The following ARHGAP44 variants were observed in gnomAD, a reference collection of about 807,000 sequenced individuals.
ARHGAP44 encodes the protein rho GTPase-activating protein 44.
A neutral mutation model predicts 106.8 loss-of-function variants in ARHGAP44; 43 were observed. The observed-to-expected ratio is 0.40, with a 90% CI of 0.32 to 0.52. The LOEUF is 0.52. Among genes scored for constraint, ARHGAP44 ranks in the 20% least tolerant of loss-of-function variants. The probability of loss-of-function intolerance (pLI) is 0.48; values close to 1 mark genes in which losing one functional copy is unlikely to be tolerated. For synonymous variants in ARHGAP44, 439 were observed against 410.3 expected (o/e 1.07, Z -0.85); for missense variants, 866 against 1,050.5 (o/e 0.82, Z 2.43).
intron 1 of ARHGAP44, among the ~76,000 whole-genome samples, chr17:12,848,386 T>C (rs2035632303): frequency 6.6e-6 from 1 of 151,558 alleles, no homozygotes; most frequent in Non-Finnish European, 1.5e-5. Context: ...TTGTTAATTC[T>C]GCATGATAAC....
At chr17:12,940,970 C>A in intron 7 of ARHGAP44, 86 bp from the exon 8 acceptor site, 1 of 1,186,516 alleles carries the variant, frequency 8.4e-7, no homozygotes, top group Non-Finnish European at 1.2e-6. Flanking sequence ...GTTTAAGGCT[C>A]TTTCTCACGT....
intron 1 of ARHGAP44, among the ~76,000 whole-genome samples, chr17:12,883,456 G>A (rs1171868447): frequency 6.6e-6 from 1 of 150,538 alleles, no homozygotes; most frequent in Non-Finnish European, 1.5e-5. Flanking sequence ...AATATTTTCA[G>A]CTTCTTAAAT....
rs1205406471 is a variant in ARHGAP44 at position 12,958,520 on chromosome 17, A to G, written c.1343-197A>G. Among the ~76,000 whole-genome samples, 1 of 151,894 alleles carries G rather than the reference A, an allele frequency of 6.6e-6. No individual in the cohort carries two copies. The highest frequency in any genetic ancestry group is 2.4e-5 in the African/African-American group (1 of 41,256). On this transcript the variant is annotated intron_variant, in intron 15 of 20. Transcript: ENST00000379672. The surrounding 1 kb of genome is among the most constrained non-coding windows in gnomAD (Gnocchi z 4.1). ...TCACAAATTGACATTGCTTTATTAA[A>G]TGCCTATATAGGTGATCACATGTGT...
chr17:12,826,863 C>A (rs1022896369), intron 1 of ARHGAP44, among the ~76,000 whole-genome samples: 1 of 152,064 alleles, frequency 6.6e-6, no homozygotes, highest in African/African-American at 2.4e-5. Context: ...TACGACTGTT[C>A]CCTCCCAGCT....
At chr17:12,855,862 G>T (rs1464507165) in intron 1 of ARHGAP44, among the ~76,000 whole-genome samples, 1 of 152,162 alleles carries the variant, frequency 6.6e-6, no homozygotes, top group African/African-American at 2.4e-5. Flanking sequence ...AGACAGTGTG[G>T]ATATAAGGCT....
chr17:12,862,439 C>G (rs1023141776), intron 1 of ARHGAP44, among the ~76,000 whole-genome samples: 1 of 152,162 alleles, frequency 6.6e-6, no homozygotes, highest in Admixed American at 6.5e-5. Context: ...TGAATTCCTC[C>G]TTCATTGTCC....
chr17:12,820,842 A>T (rs1475720020), intron 1 of ARHGAP44, among the ~76,000 whole-genome samples: 1 of 152,206 alleles, frequency 6.6e-6, no homozygotes, highest in Non-Finnish European at 1.5e-5. Flanking sequence ...ACCTGAGAAT[A>T]TGTGAGTCTC....
chr17:12,924,032 C>T (rs2038164425), intron 6 of ARHGAP44, among the ~76,000 whole-genome samples: 1 of 152,170 alleles, frequency 6.6e-6, no homozygotes, highest in Non-Finnish European at 1.5e-5. Context: ...TCATATTGTT[C>T]TGTCCTTCAT....
Position 12,897,930 on chromosome 17 carries a change from G to C in ARHGAP44, c.198+1419G>C, listed in dbSNP as rs145230581. On this transcript the variant is annotated intron_variant, in intron 3 of 20. Transcript: ENST00000379672. ...GTTTTCATTGGATTGAGAGTCTTAC[G>C]TATTATATCAGTAAGGATACATTTG... Among the ~76,000 whole-genome samples, 592 of 152,056 alleles carry C rather than the reference G, an allele frequency of 3.9e-3. 4 individuals are homozygous for C. Among genetic ancestry groups the C allele is most frequent in the Middle Eastern group, 0.01 (3 of 294 alleles).
chr17:12,936,647 G>A (rs147597416), intron 7 of ARHGAP44, among the ~76,000 whole-genome samples: 15 of 152,334 alleles, frequency 9.8e-5, no homozygotes, highest in African/African-American at 3.6e-4. Flanking sequence ...CAAAGATGCT[G>A]TAAACATCCA....
At chr17:12,881,866 C>T (rs1481031646) in intron 1 of ARHGAP44, among the ~76,000 whole-genome samples, 1 of 151,928 alleles carries the variant, frequency 6.6e-6, no homozygotes, top group Non-Finnish European at 1.5e-5. Flanking sequence ...GCTATGTTTT[C>T]ATTTTTGTAA....
At chr17:12,886,005 A>G (rs1348101569) in intron 1 of ARHGAP44, among the ~76,000 whole-genome samples, 2 of 152,032 alleles carry the variant, frequency 1.3e-5, no homozygotes, top group Non-Finnish European at 2.9e-5. Context: ...TGTGTGATCT[A>G]TTATAAATTA....
At chr17:12,921,124 T>TGGC (rs2038070811) in intron 6 of ARHGAP44, among the ~76,000 whole-genome samples, 1 of 151,870 alleles carries the variant, frequency 6.6e-6, no homozygotes. Flanking sequence ...TGGAGTGCAG[T>TGGC]GGCGCGGTCT....
chr17:12,818,335 G>GGAAA (rs2034659304), intron 1 of ARHGAP44, among the ~76,000 whole-genome samples: 1 of 91,696 alleles, frequency 1.1e-5, no homozygotes, highest in South Asian at 3.5e-4. Context: ...ATCTGGAAAA[G>GGAAA]AAAAAAAAAA....
chr17:12,986,803 C>A, intron 20 of ARHGAP44: 1 of 321,208 alleles, frequency 3.1e-6, no homozygotes, highest in East Asian at 5.0e-5. Context: ...GGACAGCACC[C>A]CCAGGGCTCT....
chr17:12,886,135 C>T (rs2322654), intron 1 of ARHGAP44, among the ~76,000 whole-genome samples: 102,796 of 151,294 alleles, frequency 0.68, 35,327 homozygotes, highest in East Asian at 0.98. Context: ...TTTTTAGAGA[C>T]CACTGATCAT....
intron 7 of ARHGAP44, among the ~76,000 whole-genome samples, chr17:12,933,316 G>C (rs2038453290): frequency 6.6e-6 from 1 of 152,142 alleles, no homozygotes; most frequent in African/African-American, 2.4e-5. Flanking sequence ...GTAGTAATCT[G>C]ATTCCTCTTT....
At chr17:12,937,781 G>C (rs1285958046) in intron 7 of ARHGAP44, among the ~76,000 whole-genome samples, 2 of 152,080 alleles carry the variant, frequency 1.3e-5, no homozygotes, top group Non-Finnish European at 2.9e-5. Flanking sequence ...TATCTTGGAG[G>C]CTTTTTTAAA....
At chr17:12,901,554 C>T (rs547866869) in intron 3 of ARHGAP44, among the ~76,000 whole-genome samples, 10 of 151,986 alleles carry the variant, frequency 6.6e-5, no homozygotes, top group Non-Finnish European at 1.5e-4. Flanking sequence ...CATGGTAGAT[C>T]CTGGAGGGAG....
Sources: allele counts gnomAD v4.1 joint callset (sites outside exome capture counted in the v4.1 genomes callset), GRCh38; gene constraint gnomAD v4.1.1; non-coding constraint Gnocchi (gnomAD v3.1); transcripts MANE v1.5; gene names NCBI Gene and HGNC (gene_info 2026-07-23, HGNC 2026-07-21).